Variants in IL20RA observed in about 807,000 individuals in gnomAD.
The protein encoded by IL20RA is interleukin-20 receptor subunit alpha.
IL20RA carries 29 observed loss-of-function variants against 36.5 expected under a neutral mutation model. The ratio of observed to expected loss-of-function variants is 0.79; its 90% CI spans 0.59 to 1.08. IL20RA has a LOEUF of 1.08. IL20RA is among the 50% of genes least tolerant of loss of function. The pLI is 0.00. For synonymous variants in IL20RA, 279 were observed against 267.1 expected (o/e 1.04, Z -0.43); for missense variants, 652 against 668.4 (o/e 0.98, Z 0.27).
At chr6:137,028,298 G>C (rs1304062427) in intron 1 of IL20RA, among the ~76,000 whole-genome samples, 1 of 151,756 alleles carries the variant, frequency 6.6e-6, no homozygotes, top group Admixed American at 6.6e-5. Flanking sequence ...TGCCCCTGTA[G>C]TCCCAGCTAC....
At chr6:137,015,108 C>G (rs961827220) in intron 2 of IL20RA, among the ~76,000 whole-genome samples, 2 of 152,176 alleles carry the variant, frequency 1.3e-5, no homozygotes, top group African/African-American at 4.8e-5. Context: ...GGCCATGAAT[C>G]ATTTAATTAT....
intron 1 of IL20RA, among the ~76,000 whole-genome samples, chr6:137,033,083 A>G (rs990051119): frequency 6.6e-6 from 1 of 152,238 alleles, no homozygotes; most frequent in African/African-American, 2.4e-5. Context: ...AACAATGGAC[A>G]TTCATTATCT....
chr6:137,040,839 G>A (rs978143785), intron 1 of IL20RA, among the ~76,000 whole-genome samples: 13 of 152,088 alleles, frequency 8.5e-5, no homozygotes, highest in East Asian at 3.8e-4. Context: ...AAAATCCACC[G>A]ATAGATACTA....
intron 2 of IL20RA, among the ~76,000 whole-genome samples, chr6:137,014,445 C>T (rs1202720634): frequency 6.6e-6 from 1 of 152,048 alleles, no homozygotes; most frequent in Non-Finnish European, 1.5e-5. Context: ...TTATACCATA[C>T]ATATGGTTTT....
At chr6:137,011,828 T>C (rs995034646) in intron 2 of IL20RA, among the ~76,000 whole-genome samples, 5 of 152,254 alleles carry the variant, frequency 3.3e-5, no homozygotes, top group African/African-American at 1.2e-4. Flanking sequence ...TTTGACGGAT[T>C]GTTTGAAGAA....
intron 1 of IL20RA, among the ~76,000 whole-genome samples, chr6:137,024,952 A>G (rs1776035742): frequency 6.6e-6 from 1 of 152,212 alleles, no homozygotes; most frequent in African/African-American, 2.4e-5. Flanking sequence ...CGATGGAAGG[A>G]TATGTGAGGA....
At chr6:137,036,679 C>T (rs75125793) in intron 1 of IL20RA, among the ~76,000 whole-genome samples, 10,300 of 152,136 alleles carry the variant, frequency 0.068, 638 homozygotes, top group African/African-American at 0.16. Flanking sequence ...TCAGAAAGAA[C>T]CCACCCTGCT....
At chr6:137,007,999 TCTCA>T (rs1268155274) in intron 5 of IL20RA, among the ~76,000 whole-genome samples, 4 of 152,208 alleles carry the variant, frequency 2.6e-5, no homozygotes. Context: ...TGAGACAAGG[TCTCA>T]CTCTGTTGCC....
intron 1 of IL20RA, among the ~76,000 whole-genome samples, chr6:137,035,196 A>G (rs906025944): frequency 6.6e-6 from 1 of 152,212 alleles, no homozygotes; most frequent in Admixed American, 6.5e-5. Context: ...GATTGAATTA[A>G]TATGGTTTTT....
chr6:137,004,554 A>C (rs1582816209), intron 6 of IL20RA, 67 bp downstream of exon 6: 1 of 1,414,720 alleles, frequency 7.1e-7, no homozygotes, highest in Non-Finnish European at 9.9e-7. Context: ...CTGTTCTAGA[A>C]CCTCCTCTTC....
intron 1 of IL20RA, among the ~76,000 whole-genome samples, chr6:137,023,025 G>A: frequency 6.6e-6 from 1 of 152,156 alleles, no homozygotes; most frequent in East Asian, 1.9e-4. Context: ...TGCCATGGCA[G>A]CCCTTGAATA....
chr6:137,018,488 ACAAT>A (rs1174529729), intron 1 of IL20RA, among the ~76,000 whole-genome samples: 1 of 149,502 alleles, frequency 6.7e-6, no homozygotes, highest in African/African-American at 2.5e-5. Flanking sequence ...ACAGAGAAGC[ACAAT>A]CAATTGACCA....
At chr6:137,008,865 C>CTCT in intron 4 of IL20RA, 122 bp from the exon 5 acceptor site, 1 of 141,050 alleles carries the variant, frequency 7.1e-6, no homozygotes, top group Non-Finnish European at 1.3e-5. Flanking sequence ...TCAGTATAAG[C>CTCT]TTTTTTTTTT....
chr6:137,037,625 T>C (rs1418379023), intron 1 of IL20RA, among the ~76,000 whole-genome samples: 2 of 152,162 alleles, frequency 1.3e-5, no homozygotes, highest in Non-Finnish European at 2.9e-5. Flanking sequence ...GGAGGGTAAA[T>C]GAACCTTCCA....
In IL20RA at chr6:137,009,378, T is replaced by G; in HGVS notation, c.518A>C (p.Gln173Pro). The G allele has an allele frequency of 1.2e-6, 2 of 1,613,586 alleles. No homozygotes were observed. Among genetic ancestry groups the G allele is most frequent in the Non-Finnish European group, 1.7e-6 (2 of 1,179,516 alleles). ...ATACTTCAGATTGGAGTATATTTGT[T>G]GCATGGAAACAGGAAGGTCTTCTGG... is the stretch of plus-strand genomic sequence containing the variant. ...RNPEDLPVSM[Q>P]QIYSNLKYNV... The change falls in exon 4 of 7, where the codon CAA becomes CCA. Residue 173 changes from glutamine (Q) to proline (P), a missense_variant. Physicochemically the swap from Gln to Pro is moderately conservative, Grantham distance 76 (BLOSUM62 -1). Coordinates refer to ENST00000316649, the MANE Select transcript of IL20RA (RefSeq NM_014432.4).
chr6:137,010,494 GTGT>G, intron 3 of IL20RA, among the ~76,000 whole-genome samples: 1 of 39,716 alleles, frequency 2.5e-5, no homozygotes, highest in Non-Finnish European at 2.1e-4. Flanking sequence ...AACAGAAAGG[GTGT>G]TGTTGGATTT....
chr6:137,043,399 G>T (rs1302372656), intron 1 of IL20RA, among the ~76,000 whole-genome samples: 7 of 152,086 alleles, frequency 4.6e-5, no homozygotes, highest in African/African-American at 1.4e-4. Flanking sequence ...GAGCCACAGC[G>T]CCCAGCTTCT....
intron 5 of IL20RA, among the ~76,000 whole-genome samples, chr6:137,007,995 A>G (rs1465889998): frequency 6.6e-6 from 1 of 152,190 alleles, no homozygotes; most frequent in Non-Finnish European, 1.5e-5. Flanking sequence ...TTTTTGAGAC[A>G]AGGTCTCACT....
At chr6:137,004,162 T>G (rs890372541) in intron 6 of IL20RA, among the ~76,000 whole-genome samples, 27,639 of 53,346 alleles carry the variant, frequency 0.52, 8,374 homozygotes, top group East Asian at 0.79. Context: ...CAGAAAGCTT[T>G]TTTTTTTTTT....
Sources: allele counts gnomAD v4.1 joint callset (sites outside exome capture counted in the v4.1 genomes callset), GRCh38; gene constraint gnomAD v4.1.1; transcripts MANE v1.5; gene names NCBI Gene and HGNC (gene_info 2026-07-23, HGNC 2026-07-21).